The following JPH1 variants were observed in gnomAD, a reference collection of about 807,000 sequenced individuals.
JPH1 encodes junctophilin-1.
JPH1 carries 12 observed loss-of-function variants against 53.6 expected under a neutral mutation model. The ratio of observed to expected loss-of-function variants is 0.22; its 90% confidence interval spans 0.14 to 0.36. The LOEUF is 0.36. Ranked by LOEUF, JPH1 falls within the 10% of genes least tolerant of loss-of-function variation. The pLI is 1.00. For missense variants in JPH1, 808 were observed against 905.5 expected (o/e 0.89, Z 1.38); for synonymous variants, 375 against 363.8 (o/e 1.03, Z -0.35).
intron 4 of JPH1, among the ~76,000 whole-genome samples, chr8:74,238,450 C>T (rs1805605815): frequency 6.6e-6 from 1 of 152,180 alleles, no homozygotes; most frequent in African/African-American, 2.4e-5. Context: ...TGCTCTTTCT[C>T]TATCACAAGG....
intron 3 of JPH1, among the ~76,000 whole-genome samples, chr8:74,252,274 T>A (rs1437172463): frequency 6.6e-6 from 1 of 152,172 alleles, no homozygotes; most frequent in Non-Finnish European, 1.5e-5. Flanking sequence ...AAGGACTTCA[T>A]GACTAAAACA....
chr8:74,274,145 A>T (rs1806782957), intron 2 of JPH1, among the ~76,000 whole-genome samples: 1 of 152,134 alleles, frequency 6.6e-6, no homozygotes, highest in African/African-American at 2.4e-5. Context: ...AAGCTGTGAG[A>T]TTCTGTACCA....
chr8:74,316,975 T>C (rs939657009), intron 1 of JPH1, among the ~76,000 whole-genome samples: 1 of 152,248 alleles, frequency 6.6e-6, no homozygotes, highest in Non-Finnish European at 1.5e-5. Flanking sequence ...CACAATGTCA[T>C]AGAAAACAAA....
chr8:74,240,265 C>A (rs975426406), intron 4 of JPH1, among the ~76,000 whole-genome samples: 1 of 152,136 alleles, frequency 6.6e-6, no homozygotes, highest in Non-Finnish European at 1.5e-5. Context: ...GGCTACCGTG[C>A]CCAGTTCTCT....
chr8:74,291,352 T>C (rs764418164), intron 2 of JPH1, among the ~76,000 whole-genome samples: 1 of 152,234 alleles, frequency 6.6e-6, no homozygotes, highest in Non-Finnish European at 1.5e-5. Context: ...AAGACATTTA[T>C]GCAGCCAACA....
chr8:74,237,443 G>A (rs2131371223), intron 4 of JPH1, 140 bp from the exon 5 acceptor site: 1 of 653,146 alleles, frequency 1.5e-6, no homozygotes, highest in Non-Finnish European at 2.7e-6. Flanking sequence ...GTTCGGAAAG[G>A]TGTAGACTAA....
chr8:74,244,715 G>A lies in JPH1; in HGVS notation c.1719C>T (p.Ser573=). 2 of 1,614,144 alleles carry A rather than the reference G, an allele frequency of 1.2e-6. No homozygotes were observed. The highest frequency in any genetic ancestry group is 8.5e-7 in the Non-Finnish European group (1 of 1,180,040). ...GCACCAGTGCTGAGGAAGACTGGCT[G>A]GATCCATCGCCGTCCTCCACGTCTA... ...PPVDVEDGDG[S]SQSSSALVHK... Residue 573 remains serine (S), a synonymous_variant, in exon 4 of 6, where the codon TCC becomes TCT. Coordinates refer to ENST00000342232, the MANE Select transcript of JPH1 (RefSeq NM_020647.4).
At chr8:74,306,129 T>C (rs1807826946) in intron 2 of JPH1, among the ~76,000 whole-genome samples, 1 of 152,110 alleles carries the variant, frequency 6.6e-6, no homozygotes, top group Non-Finnish European at 1.5e-5. Flanking sequence ...GCGTGGTGAG[T>C]GATATGACAT....
Position 74,290,766 on chromosome 8 carries a change from C to G in JPH1, c.1139+24095G>C, listed in dbSNP as rs1437704380. ...CTACAGTAACCAAAACAGCATGGTA[C>G]TGGTACCAAAACAGAGATATAGACC... On this transcript the variant is annotated intron_variant, in intron 2 of 5. Transcript: ENST00000342232. Among the ~76,000 whole-genome samples the G allele has an allele frequency of 3.9e-5, 6 of 152,214 alleles. No homozygotes were observed. In the South Asian group the frequency reaches 1.0e-3, roughly 26 times the overall value.
chr8:74,287,955 CAAT>C (rs1290347398), intron 2 of JPH1, among the ~76,000 whole-genome samples: 1 of 150,288 alleles, frequency 6.7e-6, no homozygotes, highest in African/African-American at 2.5e-5. Context: ...TTTTAGCTGA[CAAT>C]ATTTTTTTTT....
At chr8:74,288,022 C>A (rs1807219981) in intron 2 of JPH1, among the ~76,000 whole-genome samples, 1 of 151,836 alleles carries the variant, frequency 6.6e-6, no homozygotes, top group Admixed American at 6.6e-5. Context: ...CGCTTTACTG[C>A]AAAGAAAATT....
chr8:74,298,377 T>G (rs1322720616), intron 2 of JPH1, among the ~76,000 whole-genome samples: 2 of 152,208 alleles, frequency 1.3e-5, no homozygotes, highest in Non-Finnish European at 2.9e-5. Flanking sequence ...AGTTCTTTAT[T>G]GCCTAGATGC....
At chr8:74,293,106 T>G (rs1807386885) in intron 2 of JPH1, among the ~76,000 whole-genome samples, 1 of 152,156 alleles carries the variant, frequency 6.6e-6, no homozygotes, top group African/African-American at 2.4e-5. Context: ...TAATTTACTC[T>G]TTTCCAGAAT....
intron 2 of JPH1, among the ~76,000 whole-genome samples, chr8:74,300,340 T>C (rs1384216070): frequency 6.6e-6 from 1 of 152,222 alleles, no homozygotes; most frequent in Non-Finnish European, 1.5e-5. Flanking sequence ...TTGCTTCGTG[T>C]TATTTTTTTA....
At chr8:74,316,381 A>G (rs542543110) in intron 1 of JPH1, among the ~76,000 whole-genome samples, 14 of 152,326 alleles carry the variant, frequency 9.2e-5, no homozygotes, top group African/African-American at 2.6e-4. Flanking sequence ...TGCATCCTCT[A>G]TGGATTTCCC....
intron 2 of JPH1, among the ~76,000 whole-genome samples, chr8:74,304,097 C>T (rs965534303): frequency 2.0e-5 from 3 of 152,218 alleles, no homozygotes; most frequent in Non-Finnish European, 4.4e-5. Context: ...ACACCTGCCT[C>T]CAGCCCCAGG....
At chr8:74,292,885 G>C (rs1807380133) in intron 2 of JPH1, among the ~76,000 whole-genome samples, 1 of 152,176 alleles carries the variant, frequency 6.6e-6, no homozygotes, top group South Asian at 2.1e-4. Context: ...TCAGCTCAAA[G>C]CTGTTTAAAC....
Position 74,320,860 on chromosome 8 carries a change from C to T in JPH1, c.379+49G>A. On this transcript the variant is annotated intron_variant, in intron 1 of 5. Transcript: ENST00000342232. This position sits in a 1 kb window ranked among gnomAD's most constrained non-coding sequence, Gnocchi z 4.4. ...CGCTTCCCCGCAGCCGGGGCAGAGCCCACCGCACCAGCTCGCGGAGCAGCC... is the reference window on the plus strand; with the variant it reads ...CGCTTCCCCGCAGCCGGGGCAGAGCTCACCGCACCAGCTCGCGGAGCAGCC... 6.8e-7 allele frequency: 1 copy of T among 1,468,256 alleles called. No individual in the cohort carries two copies. Among genetic ancestry groups the T allele is most frequent in the Non-Finnish European group, 9.0e-7 (1 of 1,112,426 alleles). 91.0% of individuals were successfully genotyped at this position (1,468,256 alleles called of 1,614,324 possible).
At chr8:74,261,943 A>G (rs1806408473) in intron 2 of JPH1, among the ~76,000 whole-genome samples, 1 of 152,242 alleles carries the variant, frequency 6.6e-6, no homozygotes. Flanking sequence ...AATATGCTAA[A>G]CTAGAGAATA....
Sources: allele counts gnomAD v4.1 joint callset (sites outside exome capture counted in the v4.1 genomes callset), GRCh38; gene constraint gnomAD v4.1.1; non-coding constraint Gnocchi (gnomAD v3.1); transcripts MANE v1.5; gene names NCBI Gene and HGNC (gene_info 2026-07-23, HGNC 2026-07-21).